EAF2: variants seen among roughly 807,000 people sequenced by gnomAD.
EAF2 encodes the protein ELL associated factor 2.
EAF2 carries 29 observed loss-of-function variants against 29.4 expected under a neutral mutation model. The observed-to-expected ratio is 0.99, with a 90% CI of 0.73 to 1.35. The LOEUF is 1.35. EAF2 is among the 40% of genes most tolerant of loss of function. EAF2 has a pLI of 0.00. For missense variants in EAF2, 292 were observed against 312.0 expected, an observed-to-expected ratio of 0.94 and a Z score of 0.48; for synonymous variants, 103 against 102.5, an observed-to-expected ratio of 1.00 and a Z score of -0.03.
intron 2 of EAF2, among the ~76,000 whole-genome samples, chr3:121,849,734 T>A (rs886237097): frequency 1.3e-5 from 2 of 152,098 alleles, no homozygotes; most frequent in Admixed American, 1.3e-4. Context: ...TTTTCTCCAA[T>A]GGGTTTACTT....
At chr3:121,842,589 A>G (rs1422377696) in intron 1 of EAF2, among the ~76,000 whole-genome samples, 3 of 152,208 alleles carry the variant, frequency 2.0e-5, no homozygotes, top group African/African-American at 7.2e-5. Flanking sequence ...GAAGCTTCAA[A>G]GTAAAAATCA....
intron 5 of EAF2, among the ~76,000 whole-genome samples, chr3:121,879,608 C>CT (rs1709157142): frequency 2.2e-5 from 1 of 45,030 alleles, no homozygotes; most frequent in East Asian, 9.7e-4. Flanking sequence ...CTTTTCTTTT[C>CT]TTTCTTTCTT....
At chr3:121,842,239 A>G (rs1457112775) in intron 1 of EAF2, among the ~76,000 whole-genome samples, 1 of 152,160 alleles carries the variant, frequency 6.6e-6, no homozygotes, top group Admixed American at 6.5e-5. Flanking sequence ...TAGTATAGGC[A>G]CCCACATAGG....
chr3:121,882,793 T>TA (rs1248834082), intron 5 of EAF2, among the ~76,000 whole-genome samples: 1 of 151,202 alleles, frequency 6.6e-6, no homozygotes, highest in Non-Finnish European at 1.5e-5. Flanking sequence ...GGTGGTTTTT[T>TA]TTTTTTAAGT....
intron 5 of EAF2, among the ~76,000 whole-genome samples, chr3:121,873,748 A>T (rs1709055389): frequency 6.6e-6 from 1 of 151,808 alleles, no homozygotes; most frequent in South Asian, 2.1e-4. Context: ...TTTCACTCAC[A>T]TCAGGACCCT....
chr3:121,862,992 C>T (rs1046965373), intron 4 of EAF2, among the ~76,000 whole-genome samples: 2 of 152,218 alleles, frequency 1.3e-5, no homozygotes, highest in South Asian at 2.1e-4. Context: ...GTATCACCAG[C>T]GGAGGCTGCA....
intron 2 of EAF2, among the ~76,000 whole-genome samples, chr3:121,846,835 C>G (rs1189340162): frequency 6.6e-6 from 1 of 151,952 alleles, no homozygotes; most frequent in African/African-American, 2.4e-5. Context: ...AATAATAAAC[C>G]CTTGTCATTC....
chr3:121,843,847 G>C (rs1418107809), intron 1 of EAF2, among the ~76,000 whole-genome samples: 1 of 151,992 alleles, frequency 6.6e-6, no homozygotes. Context: ...ACATATTCAT[G>C]AAAAAAACTG....
At chr3:121,852,177 G>T (rs773393654) in intron 2 of EAF2, among the ~76,000 whole-genome samples, 47 of 152,086 alleles carry the variant, frequency 3.1e-4, no homozygotes, top group Non-Finnish European at 5.6e-4. Flanking sequence ...TTAATGATTA[G>T]TTCTTATTTT....
At chr3:121,872,413 G>A in intron 4 of EAF2, 124 bp from the exon 5 acceptor site, 1 of 719,110 alleles carries the variant, frequency 1.4e-6, no homozygotes, top group South Asian at 2.3e-5. Flanking sequence ...AATGCTTCAA[G>A]TACTGTAAAT....
intron 5 of EAF2, among the ~76,000 whole-genome samples, chr3:121,883,713 A>T (rs1199481458): frequency 6.6e-6 from 1 of 152,236 alleles, no homozygotes; most frequent in East Asian, 1.9e-4. Context: ...TTTCTGTATC[A>T]TCCCCTGGGG....
chr3:121,856,134 G>A (rs1339963692), intron 3 of EAF2, among the ~76,000 whole-genome samples: 6 of 152,150 alleles, frequency 3.9e-5, no homozygotes, highest in Non-Finnish European at 8.8e-5. Context: ...TGAAAGAAAA[G>A]TATATGAATC....
chr3:121,841,819 C>A (rs993083299), intron 1 of EAF2, among the ~76,000 whole-genome samples: 11 of 151,862 alleles, frequency 7.2e-5, no homozygotes, highest in African/African-American at 2.7e-4. Context: ...ACCAGCCTGA[C>A]CAACATGGTG....
intron 1 of EAF2, among the ~76,000 whole-genome samples, chr3:121,842,528 C>G (rs1708455178): frequency 2.0e-5 from 3 of 152,198 alleles, no homozygotes; most frequent in Non-Finnish European, 4.4e-5. Flanking sequence ...TTTCCACCCT[C>G]ACTTCCCTTA....
At chr3:121,862,543 A>G (rs1559824828) in intron 4 of EAF2, among the ~76,000 whole-genome samples, 1 of 152,164 alleles carries the variant, frequency 6.6e-6, no homozygotes, top group Admixed American at 6.5e-5. Context: ...GGTCTTCTCT[A>G]TGCTGTTTAT....
intron 4 of EAF2, among the ~76,000 whole-genome samples, chr3:121,872,206 A>G (rs1709027482): frequency 6.6e-6 from 1 of 151,904 alleles, no homozygotes; most frequent in Non-Finnish European, 1.5e-5. Flanking sequence ...TAATCAGAAG[A>G]CAGTTTCTGC....
At chr3:121,846,719 A>ATT (rs11387474) in intron 2 of EAF2, among the ~76,000 whole-genome samples, 28 of 149,074 alleles carry the variant, frequency 1.9e-4, no homozygotes, top group East Asian at 3.9e-4. Flanking sequence ...CTTTAGTTGG[A>ATT]TTTTTTTTTT....
Position 121,866,898 on chromosome 3 carries a change from G to A in EAF2, c.485-5639G>A, listed in dbSNP as rs556501252. On this transcript the variant is annotated intron_variant, in intron 4 of 5. Coordinates refer to ENST00000273668, the MANE Select transcript of EAF2 (RefSeq NM_018456.6). Reference sequence around the variant, plus strand: ...TCAATGATCTTTAAACAATTATCACGAATATCGTTCAGTTATACATTCCCT... The same window carrying A: ...TCAATGATCTTTAAACAATTATCACAAATATCGTTCAGTTATACATTCCCT... 5.3e-5 allele frequency among the ~76,000 whole-genome samples: 8 copies of A among 152,132 alleles called. No individual in the cohort carries two copies. The South Asian group carries it at 1.2e-3, about 24-fold the overall frequency.
intron 3 of EAF2, among the ~76,000 whole-genome samples, chr3:121,856,279 G>A (rs1016412336): frequency 2.0e-5 from 3 of 148,310 alleles, no homozygotes; most frequent in African/African-American, 4.9e-5. Flanking sequence ...TTTTATTTTA[G>A]TCATTTGTGA....
Sources: gnomAD v4.1 joint callset for allele counts (sites outside exome capture counted in the v4.1 genomes callset) on GRCh38, gnomAD v4.1.1 for gene constraint, MANE v1.5 for transcripts, NCBI Gene and HGNC (gene_info 2026-07-23, HGNC 2026-07-21) for gene names.